Variants in ALK observed in about 807,000 individuals in gnomAD.
The protein encoded by ALK is ALK tyrosine kinase receptor.
ALK carries 74 observed loss-of-function variants against 163.1 expected under a neutral mutation model. That is an observed-to-expected ratio of 0.45 (90% CI 0.38 to 0.55). ALK has a LOEUF of 0.55. Ranked by LOEUF, ALK falls within the 20% of genes least tolerant of loss-of-function variation. The pLI is 0.00. For synonymous variants in ALK, 960 were observed against 843.2 expected (o/e 1.14, Z -2.40); for missense variants, 2,063 against 2,105.3 (o/e 0.98, Z 0.39).
At chr2:29,234,979 C>T (rs974518743) in intron 13 of ALK, among the ~76,000 whole-genome samples, 2 of 152,232 alleles carry the variant, frequency 1.3e-5, no homozygotes, top group Non-Finnish European at 2.9e-5. Flanking sequence ...TCCCAAAGTG[C>T]TGGGATTACA....
intron 3 of ALK, among the ~76,000 whole-genome samples, chr2:29,603,531 A>C (rs1675435946): frequency 6.6e-6 from 1 of 152,040 alleles, no homozygotes; most frequent in African/African-American, 2.4e-5. Context: ...CTGCATTCCA[A>C]AGGAAGGAGA....
chr2:29,894,575 A>G (rs1227337173), intron 1 of ALK, among the ~76,000 whole-genome samples: 1 of 152,094 alleles, frequency 6.6e-6, no homozygotes, highest in Non-Finnish European at 1.5e-5. Context: ...CTTATCTAAG[A>G]TAACTTAGTA....
chr2:29,374,135 T>C (rs1027578256), intron 5 of ALK, among the ~76,000 whole-genome samples: 2 of 152,178 alleles, frequency 1.3e-5, no homozygotes, highest in African/African-American at 2.4e-5. Context: ...TCAGCTCTGG[T>C]TCCAGAATTA....
At chr2:29,703,730 G>T (rs995703098) in intron 2 of ALK, among the ~76,000 whole-genome samples, 16 of 152,188 alleles carry the variant, frequency 1.1e-4, no homozygotes, top group African/African-American at 3.4e-4. Context: ...CCAAAGTAAG[G>T]TTGGCATTGC....
chr2:29,876,804 G>A (rs1055431100), intron 1 of ALK, among the ~76,000 whole-genome samples: 1 of 151,364 alleles, frequency 6.6e-6, no homozygotes, highest in Non-Finnish European at 1.5e-5. Context: ...GATGATGGTG[G>A]TGTTGGGGAT....
At chr2:29,867,598 G>A (rs1467738957) in intron 1 of ALK, among the ~76,000 whole-genome samples, 1 of 152,100 alleles carries the variant, frequency 6.6e-6, no homozygotes, top group East Asian at 1.9e-4. Context: ...TCCTTTATGA[G>A]GAAATGGAAG....
intron 3 of ALK, among the ~76,000 whole-genome samples, chr2:29,622,251 G>T (rs543519846): frequency 7.2e-4 from 109 of 152,250 alleles, no homozygotes; most frequent in Non-Finnish European, 1.3e-3. Context: ...GTATTAGCCT[G>T]TTTTCACGCT....
At position 29,841,404 on chromosome 2, in the gene ALK, A is replaced by T. The variant is rs182036903; in HGVS notation, c.667+78589T>A. 5.6e-4 allele frequency among the ~76,000 whole-genome samples: 86 copies of T among 152,348 alleles called. No individual in the cohort carries two copies. In the East Asian group the frequency reaches 0.016, roughly 28 times the overall value. On this transcript the variant is annotated intron_variant, in intron 1 of 28. Transcript: ENST00000389048. ...AAGCTAATCTAATCCAAGTTTCCTT[A>T]ATGCAGCAACTGCTTCTATTGCATT...
chr2:29,695,978 C>T (rs1364124708), intron 2 of ALK, among the ~76,000 whole-genome samples: 4 of 152,114 alleles, frequency 2.6e-5, no homozygotes, highest in African/African-American at 9.7e-5. Context: ...GATCTAGAAC[C>T]AGAAATACCA....
At chr2:29,787,993 C>T (rs766998565) in intron 1 of ALK, among the ~76,000 whole-genome samples, 2 of 152,158 alleles carry the variant, frequency 1.3e-5, no homozygotes, top group African/African-American at 4.8e-5. Context: ...AATGAAAACA[C>T]ATCATCATTT....
intron 1 of ALK, among the ~76,000 whole-genome samples, chr2:29,898,512 T>A (rs538700253): frequency 3.2e-4 from 48 of 152,336 alleles, no homozygotes; most frequent in African/African-American, 1.2e-3. Context: ...GGATAATAAT[T>A]AACCTGTAAT....
chr2:29,882,836 T>C lies in ALK; in HGVS notation c.667+37157A>G, dbSNP rs79640656. On this transcript the variant is annotated intron_variant, in intron 1 of 28. Coordinates refer to ENST00000389048, the MANE Select transcript of ALK (RefSeq NM_004304.5). ...TTTTGACTTTCAGATAAACAACAAA[T>C]ACAACTTTTAGTGATGTGTATCCCA... Among the ~76,000 whole-genome samples, 1,499 of 152,292 alleles carry C rather than the reference T, an allele frequency of 9.8e-3. 25 individuals are homozygous for C. Among genetic ancestry groups the C allele is most frequent in the African/African-American group, 0.035 (1,440 of 41,568 alleles).
intron 5 of ALK, among the ~76,000 whole-genome samples, chr2:29,348,932 C>T (rs1006170681): frequency 6.6e-6 from 1 of 152,248 alleles, no homozygotes; most frequent in African/African-American, 2.4e-5. Context: ...TAACTGTTGG[C>T]TCCATCACCT....
Position 29,241,589 on chromosome 2 carries a change from C to A in ALK, c.2205-1759G>T, listed in dbSNP as rs1573150542. Among the ~76,000 whole-genome samples, 3 of 151,310 alleles carry A rather than the reference C, an allele frequency of 2.0e-5. No homozygotes were observed. The East Asian group carries it at 5.9e-4, about 30-fold the overall frequency. On this transcript the variant is annotated intron_variant, in intron 12 of 28. Transcript: ENST00000389048. ...CAGATGGGTAGGGCTCTGAGACAAG[C>A]AGAAAGAGGTGGTGGGAATTGGGGC...
intron 3 of ALK, among the ~76,000 whole-genome samples, chr2:29,579,473 T>C (rs1002037772): frequency 6.6e-6 from 1 of 152,212 alleles, no homozygotes; most frequent in Admixed American, 6.5e-5. Context: ...ATGGGAATGA[T>C]GTGATAGCAA....
chr2:29,379,561 T>C (rs567231602), intron 5 of ALK, among the ~76,000 whole-genome samples: 13 of 152,276 alleles, frequency 8.5e-5, no homozygotes, highest in African/African-American at 3.1e-4. Flanking sequence ...TATAAAGTCT[T>C]CCAAGGAGAA....
intron 4 of ALK, among the ~76,000 whole-genome samples, chr2:29,519,334 G>T (rs1043600443): frequency 6.6e-6 from 1 of 152,106 alleles, no homozygotes; most frequent in Non-Finnish European, 1.5e-5. Context: ...TACTTTTAAG[G>T]TTCATTTCTG....
intron 1 of ALK, among the ~76,000 whole-genome samples, chr2:29,751,911 CAAT>C (rs770483645): frequency 8.9e-4 from 135 of 152,280 alleles, no homozygotes; most frequent in Non-Finnish European, 1.3e-3. Context: ...TATAAAACAA[CAAT>C]GATGATAATT....
At chr2:29,217,181 G>A (rs932573900) in intron 23 of ALK, among the ~76,000 whole-genome samples, 2 of 150,954 alleles carry the variant, frequency 1.3e-5, no homozygotes, top group African/African-American at 4.9e-5. Flanking sequence ...TCTGTGTGTT[G>A]TGTACATGTG....
Sources: allele counts gnomAD v4.1 joint callset (sites outside exome capture counted in the v4.1 genomes callset), GRCh38; gene constraint gnomAD v4.1.1; transcripts MANE v1.5; gene names NCBI Gene and HGNC (gene_info 2026-07-23, HGNC 2026-07-21).